Variants in TJP1 observed in about 807,000 individuals in gnomAD.
TJP1 encodes the protein tight junction protein ZO-1.
In TJP1, 43 loss-of-function variants were observed where a neutral mutation model predicts 194.2. That is an observed-to-expected ratio of 0.22 (90% CI 0.17 to 0.29). The LOEUF is 0.29. TJP1 is among the 10% of genes least tolerant of loss of function. TJP1 has a pLI of 1.00. For missense variants in TJP1, 1,971 were observed against 2,185.7 expected (o/e 0.90, Z 1.96); for synonymous variants, 801 against 779.0 (o/e 1.03, Z -0.47).
At chr15:29,843,043 TA>T (rs2051282784) in intron 2 of TJP1, among the ~76,000 whole-genome samples, 1 of 152,144 alleles carries the variant, frequency 6.6e-6, no homozygotes, top group Admixed American at 6.5e-5. Context: ...AGAAAGTAAA[TA>T]AAACCACTAA....
intron 2 of TJP1, among the ~76,000 whole-genome samples, chr15:29,949,703 A>ACCT (rs2055556840): frequency 9.7e-6 from 1 of 103,362 alleles, no homozygotes; most frequent in South Asian, 3.9e-4. Flanking sequence ...CTCCACCACC[A>ACCT]CCACCTCCAT....
chr15:29,709,406 C>A (rs1348262878), intron 24 of TJP1, among the ~76,000 whole-genome samples: 1 of 151,772 alleles, frequency 6.6e-6, no homozygotes, highest in African/African-American at 2.4e-5. Context: ...TATTTCACAC[C>A]CACTAGAATG....
intron 2 of TJP1, among the ~76,000 whole-genome samples, chr15:29,832,862 G>A (rs2152048743): frequency 6.6e-6 from 1 of 152,328 alleles, no homozygotes; most frequent in Admixed American, 6.5e-5. Flanking sequence ...AGATGGCCTG[G>A]CCTTTCTCCC....
rs535382998 is a variant in TJP1, at chr15:29,785,377, G to T, written c.85-12020C>A. On this transcript the variant is annotated intron_variant, in intron 2 of 27. Coordinates refer to ENST00000614355, the MANE Select transcript of TJP1 (RefSeq NM_001330239.4). The stretch of plus-strand genomic sequence containing the variant: ...CATTCCTTTACATATAATTATGACT[G>T]CTTTTGCACTGAACAGTTCCAACAG... Among the ~76,000 whole-genome samples, 6 of 152,214 alleles carry T rather than the reference G, an allele frequency of 3.9e-5. No homozygotes were observed. In the South Asian group the frequency reaches 1.2e-3, roughly 32 times the overall value.
At chr15:29,746,665 A>G (rs1282940506) in intron 8 of TJP1, among the ~76,000 whole-genome samples, 1 of 152,004 alleles carries the variant, frequency 6.6e-6, no homozygotes, top group African/African-American at 2.4e-5. Context: ...TAAAGATTGA[A>G]AAAATATATT....
chr15:29,948,260 C>CAAA (rs35983966), intron 2 of TJP1, among the ~76,000 whole-genome samples: 2 of 95,312 alleles, frequency 2.1e-5, no homozygotes, highest in African/African-American at 6.9e-5. Context: ...CACTCCATCA[C>CAAA]AAAAAAAAAA....
Position 29,842,393 on chromosome 15 carries a change from G to A in TJP1, c.307-41691C>T, listed in dbSNP as rs546578671. 1.2e-3 allele frequency among the ~76,000 whole-genome samples: 184 copies of A among 151,960 alleles called. 1 individual carries two copies. Among genetic ancestry groups the A allele is most frequent in the African/African-American group, 4.2e-3 (173 of 41,436 alleles). The stretch of plus-strand genomic sequence containing the variant: ...AATAATTAATTGAGTCTGCCAGATC[G>A]TGTCCCAACAGCTCAGGGTGCAAGG... On this transcript the variant is annotated intron_variant, in intron 2 of 28. Transcript: ENST00000356107.
chr15:29,726,811 G>A lies in TJP1; in HGVS notation c.2281C>T (p.Leu761Phe), dbSNP rs1247350009. 2 of 1,613,954 alleles carry A rather than the reference G, an allele frequency of 1.2e-6. No homozygotes were observed. The highest frequency in any genetic ancestry group is 1.1e-5 in the South Asian group (1 of 91,080). Residue 761 changes from leucine to phenylalanine, a missense_variant, in exon 17 of 28, where the codon CTT becomes TTT. By Grantham distance (22) the Leu-to-Phe change is conservative (BLOSUM62 0). Coordinates refer to ENST00000614355, the MANE Select transcript of TJP1 (RefSeq NM_001330239.4). ...AAAAGATGGTGATTATTTTTACGAA[G>A]TTTATGAGATCGCTCGTATAACTTC... ...ARKLYERSHK[L>F]RKNNHHLFTT...
At chr15:29,957,470 T>C (rs2055991030) in intron 1 of TJP1, among the ~76,000 whole-genome samples, 1 of 151,916 alleles carries the variant, frequency 6.6e-6, no homozygotes, top group Admixed American at 6.6e-5. Context: ...CTCATGCTTA[T>C]ATACAGATGT....
At chr15:29,786,314 C>T (rs1383068802) in intron 2 of TJP1, among the ~76,000 whole-genome samples, 1 of 152,122 alleles carries the variant, frequency 6.6e-6, no homozygotes, top group East Asian at 1.9e-4. Context: ...ACCTCCAAGT[C>T]CCCTTCTTTA....
intron 2 of TJP1, among the ~76,000 whole-genome samples, chr15:29,911,612 C>A (rs1324290988): frequency 6.6e-6 from 1 of 152,078 alleles, no homozygotes; most frequent in Non-Finnish European, 1.5e-5. Flanking sequence ...TTTTAAACAA[C>A]CAGATCTTGT....
chr15:29,783,564 G>A (rs1179818489), intron 2 of TJP1, among the ~76,000 whole-genome samples: 1 of 152,166 alleles, frequency 6.6e-6, no homozygotes, highest in Non-Finnish European at 1.5e-5. Context: ...CTAAAATGTG[G>A]AATCAACCTA....
At chr15:29,820,159 CTTTTTTT>C (rs34650430) in intron 1 of TJP1, among the ~76,000 whole-genome samples, 26 of 135,070 alleles carry the variant, frequency 1.9e-4, no homozygotes, top group Non-Finnish European at 8.0e-5. Flanking sequence ...TTAATGTTGC[CTTTTTTT>C]TTTTTTTTTT....
At chr15:29,766,825 C>A (rs1257751591) in intron 4 of TJP1, among the ~76,000 whole-genome samples, 1 of 152,172 alleles carries the variant, frequency 6.6e-6, no homozygotes, top group Non-Finnish European at 1.5e-5. Context: ...GTAATAATCA[C>A]AAGCTTACAG....
intron 15 of TJP1, 55 bp from the exon 16 acceptor site, chr15:29,728,074 G>A (rs2151204145): frequency 6.8e-7 from 1 of 1,476,246 alleles, no homozygotes; most frequent in Non-Finnish European, 9.5e-7. Flanking sequence ...GGTTAGACAG[G>A]AGTTTCTCAA....
intron 2 of TJP1, among the ~76,000 whole-genome samples, chr15:29,950,550 C>T (rs12440326): frequency 0.19 from 29,573 of 152,030 alleles, 3,281 homozygotes; most frequent in East Asian, 0.47. Context: ...GCAGAGGAGC[C>T]CACGATGCTC....
At chr15:29,897,394 T>C (rs975082112) in intron 2 of TJP1, among the ~76,000 whole-genome samples, 3 of 152,226 alleles carry the variant, frequency 2.0e-5, no homozygotes, top group African/African-American at 7.2e-5. Context: ...AATGCCTGGA[T>C]GTCCAGGCAG....
At chr15:29,722,356 A>G (rs1272612658) in intron 18 of TJP1, among the ~76,000 whole-genome samples, 1 of 152,144 alleles carries the variant, frequency 6.6e-6, no homozygotes, top group Non-Finnish European at 1.5e-5. Flanking sequence ...TGGCTGTTCT[A>G]GCTCCAGACA....
chr15:29,792,117 G>C (rs1048290040), intron 2 of TJP1, among the ~76,000 whole-genome samples: 1 of 152,166 alleles, frequency 6.6e-6, no homozygotes, highest in Non-Finnish European at 1.5e-5. Flanking sequence ...GCAGCTTTGA[G>C]CTTGATGTGA....
Sources: gnomAD v4.1 joint callset for allele counts (sites outside exome capture counted in the v4.1 genomes callset) on GRCh38, gnomAD v4.1.1 for gene constraint, MANE v1.5 for transcripts, NCBI Gene and HGNC (gene_info 2026-07-23, HGNC 2026-07-21) for gene names.